CDC42BPA: variants seen among roughly 807,000 people sequenced by gnomAD.
CDC42BPA encodes the protein CDC42 binding protein kinase alpha.
In CDC42BPA, 80 loss-of-function variants were observed where a neutral mutation model predicts 223.5. The observed-to-expected ratio is 0.36, with a 90% CI of 0.30 to 0.43. The LOEUF (loss-of-function observed/expected upper bound fraction) is 0.43. Among genes scored for constraint, CDC42BPA ranks in the 20% least tolerant of loss-of-function variants. CDC42BPA has a pLI of 1.00. For missense variants in CDC42BPA, 1,743 were observed against 2,099.9 expected (o/e 0.83, Z 3.32); for synonymous variants, 694 against 718.6 (o/e 0.97, Z 0.55).
At chr1:227,210,657 T>C (rs1572388937) in intron 3 of CDC42BPA, among the ~76,000 whole-genome samples, 1 of 152,178 alleles carries the variant, frequency 6.6e-6, no homozygotes, top group African/African-American at 2.4e-5. Flanking sequence ...CCAGCTTCAT[T>C]GAAAAAAGTA....
rs1685577915 is a variant in CDC42BPA, at chr1:227,269,239, G to A, written c.179-15084C>T. On this transcript the variant is annotated intron_variant, in intron 1 of 36. Transcript: ENST00000366766. ...TAGGCCAGATTTGTCTTGTGTGTCA[G>A]TCTGCTGACCCCTGAACCAATAGAA... Among the ~76,000 whole-genome samples, 3 of 152,210 alleles carry A rather than the reference G, an allele frequency of 2.0e-5. 1 individual carries two copies. Among genetic ancestry groups the A allele is most frequent in the African/African-American group, 7.2e-5 (3 of 41,456 alleles).
rs189476825 is a variant in CDC42BPA at position 227,133,124 on chromosome 1, G to A, written c.1391-3893C>T. On this transcript the variant is annotated intron_variant, in intron 10 of 36. Transcript: ENST00000366766. ...CCCCGCCCGGCCAGCCGCCCTGTCCGGGAGGCGAGGGGCACCTCTGCCCGG... is the reference window on the plus strand; with the variant it reads ...CCCCGCCCGGCCAGCCGCCCTGTCCAGGAGGCGAGGGGCACCTCTGCCCGG... Among the ~76,000 whole-genome samples, 183 of 148,090 alleles carry A rather than the reference G, an allele frequency of 1.2e-3. 1 individual carries two copies. The highest frequency in any genetic ancestry group is 4.5e-3 in the African/African-American group (178 of 39,540).
intron 3 of CDC42BPA, among the ~76,000 whole-genome samples, chr1:227,210,228 T>C (rs931842144): frequency 5.3e-5 from 8 of 152,308 alleles, no homozygotes; most frequent in Admixed American, 6.5e-5. Context: ...ATCCTTTGGG[T>C]ATATACCCAG....
At chr1:227,063,939 A>T (rs900903663) in intron 21 of CDC42BPA, among the ~76,000 whole-genome samples, 1 of 152,228 alleles carries the variant, frequency 6.6e-6, no homozygotes, top group Non-Finnish European at 1.5e-5. Context: ...AAGAAGTTAG[A>T]AGCCATGACT....
At chr1:227,136,230 A>G (rs1285748081) in intron 10 of CDC42BPA, among the ~76,000 whole-genome samples, 2 of 152,222 alleles carry the variant, frequency 1.3e-5, no homozygotes, top group African/African-American at 4.8e-5. Context: ...CCTTAACTAA[A>G]AAAGACAATA....
At chr1:227,031,165 A>T in intron 28 of CDC42BPA, 133 bp downstream of exon 28, 1 of 675,306 alleles carries the variant, frequency 1.5e-6, no homozygotes, top group Admixed American at 2.6e-5. Context: ...CATTCAGTAA[A>T]CATGTACTGA....
intron 5 of CDC42BPA, among the ~76,000 whole-genome samples, chr1:227,163,740 A>AT (rs936652813): frequency 4.8e-4 from 68 of 141,766 alleles, no homozygotes; most frequent in Admixed American, 8.1e-4. Flanking sequence ...GTAAAAAAAA[A>AT]AAATATATAT....
intron 2 of CDC42BPA, among the ~76,000 whole-genome samples, chr1:227,251,026 CAG>C (rs1472147144): frequency 6.6e-6 from 1 of 151,924 alleles, no homozygotes; most frequent in Non-Finnish European, 1.5e-5. Context: ...GCACTGCAGC[CAG>C]AGAGACAAAG....
chr1:227,199,683 T>A, intron 3 of CDC42BPA, 31 bp from the exon 4 acceptor site: 1 of 1,083,630 alleles, frequency 9.2e-7, no homozygotes. Flanking sequence ...TTTTAGAGCA[T>A]ACTTTATGTA....
chr1:227,114,891 GTT>G (rs1687523447), intron 12 of CDC42BPA, among the ~76,000 whole-genome samples: 2 of 146,786 alleles, frequency 1.4e-5, no homozygotes, highest in African/African-American at 2.6e-5. Context: ...GTGGGAAATA[GTT>G]TTAGGATATT....
chr1:227,262,104 C>T (rs1684181541), intron 1 of CDC42BPA, among the ~76,000 whole-genome samples: 1 of 151,806 alleles, frequency 6.6e-6, no homozygotes, highest in Non-Finnish European at 1.5e-5. Flanking sequence ...AGTTGGCAAT[C>T]AAAACAAATG....
chr1:227,275,858 C>A (rs969244438), intron 1 of CDC42BPA, among the ~76,000 whole-genome samples: 2 of 152,218 alleles, frequency 1.3e-5, no homozygotes, highest in Non-Finnish European at 2.9e-5. Context: ...CCCGCCTGGG[C>A]CTCCCGAGGT....
chr1:227,115,407 T>C (rs1687616464), intron 12 of CDC42BPA, among the ~76,000 whole-genome samples: 1 of 151,074 alleles, frequency 6.6e-6, no homozygotes, highest in South Asian at 2.1e-4. Flanking sequence ...TATAAGAGAG[T>C]CTCAAAATCA....
chr1:227,034,547 C>G, intron 26 of CDC42BPA, 108 bp downstream of exon 26: 1 of 1,011,870 alleles, frequency 9.9e-7, no homozygotes, highest in African/African-American at 1.6e-5. Flanking sequence ...TTAGAAAATA[C>G]GAAATTAGTT....
At chr1:227,011,964 T>G (rs184456697) in intron 34 of CDC42BPA, among the ~76,000 whole-genome samples, 113 of 152,290 alleles carry the variant, frequency 7.4e-4, no homozygotes, top group African/African-American at 2.6e-3. Flanking sequence ...CACGTTCCCA[T>G]GAGCTGAGAT....
Position 227,194,971 on chromosome 1 carries a change from T to C in CDC42BPA, c.451-1037A>G, listed in dbSNP as rs2150163210. ...TTAAGGTTTTATTACAGAATGAAGA[T>C]ATTGTTTCAGGGATATTACTGAGTT... On this transcript the variant is annotated intron_variant, in intron 4 of 36. Coordinates refer to ENST00000366766, the MANE Select transcript of CDC42BPA (RefSeq NM_001394014.1). 2.5e-5 allele frequency among the ~76,000 whole-genome samples: 2 copies of C among 79,512 alleles called. 1 individual carries two copies. The highest frequency in any genetic ancestry group is 0.014 in the Middle Eastern group (2 of 148). 52.2% of individuals were successfully genotyped at this position (79,512 alleles called of 152,430 possible).
chr1:227,059,118 A>T (rs1675232332), intron 21 of CDC42BPA, among the ~76,000 whole-genome samples: 1 of 152,184 alleles, frequency 6.6e-6, no homozygotes, highest in Non-Finnish European at 1.5e-5. Flanking sequence ...GATCAAACTA[A>T]AAAAGATATC....
At chr1:227,072,162 T>A (rs759883457) in intron 20 of CDC42BPA, 46 bp downstream of exon 20, 45 of 1,021,384 alleles carry the variant, frequency 4.4e-5, no homozygotes, top group Non-Finnish European at 6.2e-5. Flanking sequence ...AATATATTTA[T>A]AACATAACAG....
At chr1:227,202,597 T>A (rs6700070) in intron 3 of CDC42BPA, among the ~76,000 whole-genome samples, 127,631 of 152,008 alleles carry the variant, frequency 0.84, 53,940 homozygotes, top group Middle Eastern at 0.91. Context: ...TCTATGCTAA[T>A]CTGTTTAACT....
Sources: allele counts gnomAD v4.1 joint callset (sites outside exome capture counted in the v4.1 genomes callset), GRCh38; gene constraint gnomAD v4.1.1; transcripts MANE v1.5; gene names NCBI Gene and HGNC (gene_info 2026-07-23, HGNC 2026-07-21).